Variants in MXRA7 observed in about 807,000 individuals in gnomAD.
MXRA7 encodes the protein matrix remodeling associated 7.
A neutral mutation model predicts 17.4 loss-of-function variants in MXRA7; 18 were observed. The ratio of observed to expected loss-of-function variants is 1.03; its 90% confidence interval spans 0.71 to 1.53. MXRA7 has a LOEUF of 1.53. Among genes scored for constraint, MXRA7 ranks in the 40% most tolerant of loss-of-function variants. MXRA7 has a pLI of 0.00. For synonymous variants in MXRA7, 70 were observed against 101.7 expected (o/e 0.69, Z 1.87); for missense variants, 141 against 209.3 (o/e 0.67, Z 2.01).
In MXRA7 at chr17:76,679,664, A is replaced by C. The variant is rs2076273369; in HGVS notation, c.*1203T>G. 1.1e-6 allele frequency: 1 copy of C among 933,904 alleles called. No individual in the cohort carries two copies. Among genetic ancestry groups the C allele is most frequent in the African/African-American group, 1.8e-5 (1 of 56,446 alleles). The allele number at this position is 933,904 out of a possible 1,614,324, so 57.9% of individuals were successfully genotyped here. ...ACATGAGGTGTGGTGCCTATAAGCC[A>C]GGGTCGGAAACTTTCCAGACAAACC... On this transcript the variant is annotated 3_prime_UTR_variant, in exon 4 of 4. Transcript: ENST00000449428.
At chr17:76,677,940 G>A (rs2076254634), downstream of MXRA7, among the ~76,000 whole-genome samples, 1 of 152,220 alleles carries the variant, frequency 6.6e-6, no homozygotes, top group Non-Finnish European at 1.5e-5. Context: ...GGTTTGCCGG[G>A]GAGGTTTGGG....
chr17:76,682,667 G>A (rs910766760), intron 3 of MXRA7, among the ~76,000 whole-genome samples: 1 of 152,094 alleles, frequency 6.6e-6, no homozygotes, highest in African/African-American at 2.4e-5. Flanking sequence ...ACATGCAGGG[G>A]GGCAGAGGTG....
downstream of MXRA7, among the ~76,000 whole-genome samples, chr17:76,679,105 A>G (rs1342488623): frequency 1.3e-5 from 2 of 151,984 alleles, no homozygotes; most frequent in African/African-American, 4.8e-5. Context: ...GACCAGCCTG[A>G]GCAACATAGT....
chr17:76,687,452 T>C (rs1161761305), intron 2 of MXRA7, among the ~76,000 whole-genome samples: 2 of 152,280 alleles, frequency 1.3e-5, no homozygotes, highest in Non-Finnish European at 2.9e-5. Context: ...TAATCCTCCC[T>C]GTGCTTGCCA....
intron 1 of MXRA7, among the ~76,000 whole-genome samples, chr17:76,707,529 C>A (rs1218222395): frequency 2.0e-5 from 3 of 152,094 alleles, no homozygotes; most frequent in Admixed American, 2.0e-4. Flanking sequence ...GTCTCGAACT[C>A]CTGACCTCAG....
chr17:76,689,462 G>A (rs1305703118), intron 1 of MXRA7: 1 of 152,294 alleles, frequency 6.6e-6, no homozygotes, highest in African/African-American at 2.4e-5. Flanking sequence ...CGTCTTCCCT[G>A]TTGGGCACTT....
chr17:76,680,608 T>C lies in MXRA7; in HGVS notation c.*259A>G. On this transcript the variant is annotated 3_prime_UTR_variant, in exon 4 of 4. Coordinates refer to ENST00000449428, the MANE Select transcript of MXRA7 (RefSeq NM_198530.4). ...CAGTCCAGGGTCTGAGCTCTACCTC[T>C]TAAAACTCTTCAGCTTAACAAAGTG... is the stretch of plus-strand genomic sequence containing the variant. 7.8e-7 allele frequency: 1 copy of C among 1,276,384 alleles called. No homozygotes were observed. The highest frequency in any genetic ancestry group is 2.5e-5 in the South Asian group (1 of 40,044). 79.1% of individuals were successfully genotyped at this position (1,276,384 alleles called of 1,614,324 possible).
chr17:76,695,194 C>A (rs377743602), intron 1 of MXRA7, among the ~76,000 whole-genome samples: 1 of 152,064 alleles, frequency 6.6e-6, no homozygotes, highest in East Asian at 1.9e-4. Context: ...AACAATAAAA[C>A]CACCAGTGTT....
downstream of MXRA7, chr17:76,677,561 G>A (rs373300156): frequency 2.0e-6 from 3 of 1,515,612 alleles, no homozygotes; most frequent in Non-Finnish European, 2.7e-6. Context: ...CATCAGGCAT[G>A]GCCGCTGTGC....
In MXRA7 at chr17:76,688,112, C is replaced by T. The variant is rs2076424067; in HGVS notation, c.406+1G>A. 1 of 1,613,432 alleles carries T rather than the reference C, an allele frequency of 6.2e-7. No individual in the cohort carries two copies. The highest frequency in any genetic ancestry group is 1.7e-5 in the Admixed American group (1 of 59,994). ...CTCATGAGCGCAGAGGTCCCACTCA[C>T]CGTCCTCCTCCTCAGGCCCTTCCGA... On this transcript the variant is annotated splice_donor_variant, in intron 2 of 3. Coordinates refer to ENST00000449428, the MANE Select transcript of MXRA7 (RefSeq NM_198530.4). LOFTEE classifies it high-confidence loss of function.
At chr17:76,677,846 T>G (rs1477964475), downstream of MXRA7, 1 of 616,730 alleles carries the variant, frequency 1.6e-6, no homozygotes, top group Non-Finnish European at 2.9e-6. Context: ...AAAATGAAAA[T>G]AAAACCCACT....
rs148022884 is a variant in MXRA7, at chr17:76,697,093, A to G, written c.343-8917T>C. ...TTCATATGCTGAAGCCTTGGCCCCA[A>G]CTACCTCTCAGCCTGACTCTATTTG... On this transcript the variant is annotated intron_variant, in intron 1 of 3. Coordinates refer to ENST00000449428, the MANE Select transcript of MXRA7 (RefSeq NM_198530.4). Among the ~76,000 whole-genome samples, 199 of 152,258 alleles carry G rather than the reference A, an allele frequency of 1.3e-3. 1 individual carries two copies. Among genetic ancestry groups the G allele is most frequent in the African/African-American group, 4.6e-3 (191 of 41,540 alleles).
At chr17:76,683,815 G>A (rs2076346452) in intron 3 of MXRA7, 1 of 1,552,330 alleles carries the variant, frequency 6.4e-7, no homozygotes. Flanking sequence ...TAGAAGGGGA[G>A]CACCACTAGT....
chr17:76,705,749 C>T lies in MXRA7; in HGVS notation c.342+4856G>A, dbSNP rs568099874. Among the ~76,000 whole-genome samples, 77 of 152,286 alleles carry T rather than the reference C, an allele frequency of 5.1e-4. No individual in the cohort carries two copies. In the Middle Eastern group the frequency reaches 0.014, roughly 27 times the overall value. ...CTGCAGGCCAAAAAGAGAGCCCTCA[C>T]CAAAACCAGAATCTGCCAACACCTC... On this transcript the variant is annotated intron_variant, in intron 1 of 3. Transcript: ENST00000449428.
chr17:76,679,231 T>C (rs903337556), downstream of MXRA7, among the ~76,000 whole-genome samples: 5 of 147,654 alleles, frequency 3.4e-5, no homozygotes, highest in Non-Finnish European at 7.4e-5. Context: ...CAGGCCACAG[T>C]GAGCTGTGAT....
chr17:76,700,600 GTTCT>G (rs1480818453), intron 1 of MXRA7, among the ~76,000 whole-genome samples: 2 of 152,214 alleles, frequency 1.3e-5, no homozygotes, highest in Non-Finnish European at 2.9e-5. Flanking sequence ...AGCGATTTCT[GTTCT>G]TTCTTTTTGT....
chr17:76,672,565 G>A (rs1431432539), exon 4 of MXRA7: 2 of 152,164 alleles, frequency 1.3e-5, no homozygotes, highest in Non-Finnish European at 2.9e-5. Flanking sequence ...AACAGCATAC[G>A]CGCAAGGTTT....
downstream of MXRA7, chr17:76,679,497 A>G (rs2076270671): frequency 1.2e-5 from 8 of 644,350 alleles, no homozygotes; most frequent in Non-Finnish European, 1.5e-5. Flanking sequence ...AAAATGAAAG[A>G]AAGGTCAAAC....
chr17:76,692,039 C>G (rs1328429376), intron 1 of MXRA7, among the ~76,000 whole-genome samples: 1 of 152,040 alleles, frequency 6.6e-6, no homozygotes, highest in African/African-American at 2.4e-5. Context: ...CTCCTGAGCA[C>G]AGAGAGGCTG....
Sources: allele counts gnomAD v4.1 joint callset (sites outside exome capture counted in the v4.1 genomes callset), GRCh38; gene constraint gnomAD v4.1.1; transcripts MANE v1.5; gene names NCBI Gene and HGNC (gene_info 2026-07-23, HGNC 2026-07-21).